EYS: variants seen among roughly 807,000 people sequenced by gnomAD.
EYS encodes protein eyes shut homolog.
A neutral mutation model predicts 282.1 loss-of-function variants in EYS; 250 were observed. That is an observed-to-expected ratio of 0.89 (90% CI 0.80 to 0.98). The LOEUF is 0.98. Among genes scored for constraint, EYS ranks in the 50% least tolerant of loss-of-function variants. EYS has a pLI of 0.00. For synonymous variants in EYS, 1,355 were observed against 1,282.9 expected (o/e 1.06, Z -1.20); for missense variants, 4,016 against 3,709.0 (o/e 1.08, Z -2.15).
At chr6:65,501,301 G>A (rs1000107469) in intron 2 of EYS, among the ~76,000 whole-genome samples, 1 of 151,860 alleles carries the variant, frequency 6.6e-6, no homozygotes, top group East Asian at 1.9e-4. Context: ...CAGCATATTG[G>A]TATTGTTAGT....
rs116106534 is a variant in EYS at position 64,364,411 on chromosome 6, T to C, written c.6078+24279A>G. The stretch of plus-strand genomic sequence containing the variant: ...ATTTAAACCCCAAATTCAAGAACAT[T>C]ATGAATATAGCATACATGCAAAATA... On this transcript the variant is annotated intron_variant, in intron 29 of 42. Transcript: ENST00000503581. Among the ~76,000 whole-genome samples, 714 of 152,080 alleles carry C rather than the reference T, an allele frequency of 4.7e-3. 5 individuals are homozygous for C. The highest frequency in any genetic ancestry group is 0.016 in the African/African-American group (662 of 41,536).
chr6:65,607,727 G>A (rs1403213419), intron 2 of EYS, among the ~76,000 whole-genome samples: 1 of 151,850 alleles, frequency 6.6e-6, no homozygotes, highest in East Asian at 1.9e-4. Flanking sequence ...AGAATGGAGT[G>A]AAAATAAATT....
intron 16 of EYS, among the ~76,000 whole-genome samples, chr6:64,907,592 C>T (rs951063909): frequency 1.3e-5 from 2 of 152,156 alleles, no homozygotes; most frequent in African/African-American, 4.8e-5. Flanking sequence ...TGCCAGGATT[C>T]CTTCCCCAAA....
At chr6:63,912,769 G>T (rs1764295153) in intron 35 of EYS, among the ~76,000 whole-genome samples, 1 of 151,936 alleles carries the variant, frequency 6.6e-6, no homozygotes, top group Non-Finnish European at 1.5e-5. Flanking sequence ...TTAGAAGTGT[G>T]CAGCACTCCC....
At chr6:64,917,114 C>A (rs1372028100) in intron 15 of EYS, among the ~76,000 whole-genome samples, 1 of 152,104 alleles carries the variant, frequency 6.6e-6, no homozygotes, top group African/African-American at 2.4e-5. Flanking sequence ...CCAGGCGTGG[C>A]AGCACGCGCC....
chr6:65,156,365 C>A (rs1371590655), intron 12 of EYS, among the ~76,000 whole-genome samples: 1 of 151,020 alleles, frequency 6.6e-6, no homozygotes, highest in East Asian at 2.0e-4. Flanking sequence ...AGTCTTAGAT[C>A]TTTGGCCCAG....
At chr6:65,641,566 T>A (rs1325747306) in intron 1 of EYS, among the ~76,000 whole-genome samples, 1 of 152,236 alleles carries the variant, frequency 6.6e-6, no homozygotes, top group African/African-American at 2.4e-5. Context: ...GTCTAAAGTT[T>A]TAGTGCTATA....
intron 1 of EYS, among the ~76,000 whole-genome samples, chr6:65,663,198 C>T (rs774038962): frequency 6.6e-6 from 1 of 152,056 alleles, no homozygotes; most frequent in Non-Finnish European, 1.5e-5. Flanking sequence ...ATTAGAGCCT[C>T]TAAAAATTCA....
intron 22 of EYS, among the ~76,000 whole-genome samples, chr6:64,682,610 C>T (rs994402159): frequency 2.0e-5 from 3 of 152,238 alleles, no homozygotes; most frequent in South Asian, 2.1e-4. Flanking sequence ...ACTTCCTAAA[C>T]ACACTGTGCG....
At chr6:64,406,249 G>C (rs1216277947) in intron 28 of EYS, among the ~76,000 whole-genome samples, 1 of 152,128 alleles carries the variant, frequency 6.6e-6, no homozygotes, top group Non-Finnish European at 1.5e-5. Flanking sequence ...TGGGAAAATA[G>C]GCTAGCCATA....
chr6:64,195,351 G>A (rs1441611521), intron 31 of EYS, among the ~76,000 whole-genome samples: 1 of 152,184 alleles, frequency 6.6e-6, no homozygotes, highest in Non-Finnish European at 1.5e-5. Flanking sequence ...CACCCAGGCT[G>A]GTGTGCAGAG....
intron 12 of EYS, among the ~76,000 whole-genome samples, chr6:65,245,151 T>A (rs1335706862): frequency 1.3e-5 from 2 of 152,178 alleles, no homozygotes; most frequent in African/African-American, 4.8e-5. Context: ...ATATTACATA[T>A]GGTGTTGCTA....
At chr6:65,345,492 C>T (rs1770358864) in intron 9 of EYS, among the ~76,000 whole-genome samples, 2 of 151,534 alleles carry the variant, frequency 1.3e-5, no homozygotes, top group South Asian at 4.1e-4. Context: ...TAATAGAAGG[C>T]CATATATTTC....
intron 35 of EYS, among the ~76,000 whole-genome samples, chr6:63,909,509 G>A (rs947105530): frequency 6.6e-6 from 1 of 152,186 alleles, no homozygotes. Flanking sequence ...GAGTTGGTTT[G>A]TACCAACCTA....
intron 41 of EYS, among the ~76,000 whole-genome samples, chr6:63,730,449 C>T (rs1164165824): frequency 6.6e-6 from 1 of 152,178 alleles, no homozygotes; most frequent in East Asian, 1.9e-4. Context: ...CATGATTTGG[C>T]CTCCTGTTAA....
At chr6:64,218,313 C>T (rs1582441882) in intron 31 of EYS, among the ~76,000 whole-genome samples, 1 of 152,034 alleles carries the variant, frequency 6.6e-6, no homozygotes, top group East Asian at 1.9e-4. Context: ...TTCTTGTGTC[C>T]CTTTGAGATT....
At chr6:64,390,015 T>A (rs200526338) in intron 28 of EYS, among the ~76,000 whole-genome samples, 1 of 147,532 alleles carries the variant, frequency 6.8e-6, no homozygotes, top group Non-Finnish European at 1.5e-5. Flanking sequence ...GGGTGATGGA[T>A]GGCACCTGGA....
intron 12 of EYS, among the ~76,000 whole-genome samples, chr6:65,186,676 T>G (rs907432664): frequency 2.0e-5 from 3 of 151,804 alleles, no homozygotes; most frequent in Non-Finnish European, 2.9e-5. Flanking sequence ...TTTAAAACAT[T>G]ACAATTCATG....
rs184368339 is a variant in EYS, at chr6:64,309,651, C to A, written c.6079-2569G>T. ...GACACTTTTCCAAAGAAGACAGACA[C>A]GTGGCCAAAAATCATGTAAAAAAAC... On this transcript the variant is annotated intron_variant, in intron 29 of 42. Transcript: ENST00000503581. Among the ~76,000 whole-genome samples the A allele has an allele frequency of 2.0e-5, 3 of 151,788 alleles. No individual in the cohort carries two copies. The East Asian group carries it at 5.8e-4, about 29-fold the overall frequency.
Sources: allele counts gnomAD v4.1 joint callset (sites outside exome capture counted in the v4.1 genomes callset), GRCh38; gene constraint gnomAD v4.1.1; transcripts MANE v1.5; gene names NCBI Gene and HGNC (gene_info 2026-07-23, HGNC 2026-07-21).